LRP2: variants seen among roughly 807,000 people sequenced by gnomAD.
The protein encoded by LRP2 is low-density lipoprotein receptor-related protein 2.
LRP2 carries 172 observed loss-of-function variants against 531.0 expected under a neutral mutation model. The ratio of observed to expected loss-of-function variants is 0.32; its 90% confidence interval spans 0.29 to 0.37. The LOEUF (loss-of-function observed/expected upper bound fraction) is 0.37. LRP2 is among the 10% of genes least tolerant of loss of function. LRP2 has a pLI of 1.00. For synonymous variants in LRP2, 1,992 were observed against 2,027.6 expected, an observed-to-expected ratio of 0.98 and a Z score of 0.47; for missense variants, 5,167 against 5,868.3, an observed-to-expected ratio of 0.88 and a Z score of 3.90.
intron 74 of LRP2, 135 bp from the exon 75 acceptor site, chr2:169,138,841 T>A: frequency 9.9e-7 from 1 of 1,012,202 alleles, no homozygotes; most frequent in Non-Finnish European, 1.5e-6. Context: ...CAATTCCCAC[T>A]CTAAATTTAC....
intron 65 of LRP2, among the ~76,000 whole-genome samples, chr2:169,155,769 T>C (rs937935904): frequency 6.6e-6 from 1 of 152,212 alleles, no homozygotes; most frequent in African/African-American, 2.4e-5. Context: ...GACTCCTTTC[T>C]GCCTGTGATC....
intron 1 of LRP2, among the ~76,000 whole-genome samples, chr2:169,344,775 T>C (rs1043121481): frequency 3.3e-5 from 5 of 152,186 alleles, no homozygotes; most frequent in Non-Finnish European, 1.5e-5. Flanking sequence ...CCCCAACTAC[T>C]GCTCTCACTA....
intron 31 of LRP2, among the ~76,000 whole-genome samples, chr2:169,227,033 T>A (rs1354748887): frequency 6.6e-6 from 1 of 152,008 alleles, no homozygotes; most frequent in Non-Finnish European, 1.5e-5. Context: ...AGCTTACTAG[T>A]TTTAAGAATG....
chr2:169,240,749 G>T (rs1166758288), intron 25 of LRP2: 5 of 585,008 alleles, frequency 8.5e-6, no homozygotes. Flanking sequence ...CTCATTTTTT[G>T]AAACAAAGAC....
In LRP2 at chr2:169,132,650, T is replaced by C. The variant is rs763167446; in HGVS notation, c.13652A>G (p.Asn4551Ser). The C allele has an allele frequency of 3.7e-6, 6 of 1,605,246 alleles. No homozygotes were observed. Among genetic ancestry groups the C allele is most frequent in the Admixed American group, 1.7e-5 (1 of 60,004 alleles). The change falls in exon 77 of 79, where the codon AAT (asparagine) becomes AGT (serine). Residue 4551 changes from asparagine (N) to serine (S), a missense_variant. Asn to Ser is a conservative substitution (Grantham distance 46, BLOSUM62 1). Around this residue, in one of 6 missense-constraint regions of LRP2, gnomAD observed 348 missense variants for 369.3 expected, o/e 0.94. Transcript: ENST00000649046. ...VTVSENVDNK[N>S]YGSPINPSEI... ...AGAAGGGTTTATGGGACTTCCATAA[T>C]TCTTATTATCCACATTTTCAGATAC... is the stretch of plus-strand genomic sequence containing the variant.
intron 3 of LRP2, among the ~76,000 whole-genome samples, chr2:169,310,723 A>G (rs1014084518): frequency 2.0e-5 from 3 of 152,130 alleles, no homozygotes; most frequent in Admixed American, 2.0e-4. Context: ...CATAAAATGA[A>G]TTAGGGAGGA....
rs773276877 is a variant in LRP2 at position 169,165,944 on chromosome 2, T to A, written c.11746A>T (p.Thr3916Ser). 6.2e-7 allele frequency: 1 copy of A among 1,613,916 alleles called. No homozygotes were observed. Among genetic ancestry groups the A allele is most frequent in the Admixed American group, 1.7e-5 (1 of 59,992 alleles). ...GACTTTTGCTTACAGTGCTCCTCTG[T>A]CTCATCAGTTCCATCTCCACAGTCA... ...VDDCGDGTDE[T>S]EEHCRKPTPK... Residue 3916 changes from threonine to serine, a missense_variant, in exon 62 of 79, where the codon ACA becomes TCA. This residue lies in a region of LRP2 where 564 missense variants were observed against 747.7 expected (regional missense o/e 0.75). Transcript: ENST00000649046.
rs141290564 is a variant in LRP2, at chr2:169,218,867, T to C, written c.5648+1587A>G. ...GAAGATGGCAGAGCATCCATCAGCC[T>C]GGGTCCTGAATGACTACGTAGAGTA... On this transcript the variant is annotated intron_variant, in intron 34 of 78. Coordinates refer to ENST00000649046, the MANE Select transcript of LRP2 (RefSeq NM_004525.3). 3.7e-3 allele frequency among the ~76,000 whole-genome samples: 571 copies of C among 152,304 alleles called. 3 individuals are homozygous for C. Among genetic ancestry groups the C allele is most frequent in the Non-Finnish European group, 5.6e-3 (381 of 68,016 alleles).
intron 73 of LRP2, 62 bp from the exon 74 acceptor site, chr2:169,139,433 T>C (rs1251135690): frequency 3.7e-6 from 6 of 1,613,914 alleles, no homozygotes; most frequent in South Asian, 1.1e-5. Flanking sequence ...TGGCAGAAAC[T>C]GGGGGCTAGA....
In LRP2 at chr2:169,185,703, A is replaced by G; in HGVS notation, c.9645T>C (p.Asp3215=). 3 of 1,614,140 alleles carry G rather than the reference A, an allele frequency of 1.9e-6. No individual in the cohort carries two copies. Among genetic ancestry groups the G allele is most frequent in the Non-Finnish European group, 2.5e-6 (3 of 1,180,012 alleles). Residue 3215 remains aspartate (D), a synonymous_variant, in exon 50 of 79, where the codon GAT becomes GAC. Coordinates refer to ENST00000649046, the MANE Select transcript of LRP2 (RefSeq NM_004525.3). ...CCAAGATGAGGGAGTAAAAATAGCC[A>G]TCTATAGTTAAATTTCTCAAATAGT... ...NRYYLRNLTI[D]GYFYSLILEG...
intron 32 of LRP2, 150 bp from the exon 33 acceptor site, chr2:169,225,603 G>A (rs1222997378): frequency 2.3e-6 from 2 of 859,854 alleles, no homozygotes; most frequent in Non-Finnish European, 3.7e-6. Context: ...AGCACCACTG[G>A]GTAGGCTTCA....
intron 49 of LRP2, among the ~76,000 whole-genome samples, chr2:169,187,288 C>T (rs1687667444): frequency 1.3e-5 from 2 of 152,078 alleles, no homozygotes; most frequent in Admixed American, 1.3e-4. Context: ...ATAAAAACTA[C>T]ATTACATACT....
At chr2:169,156,496 T>G (rs1435421781) in intron 64 of LRP2, 91 bp from the exon 65 acceptor site, 1 of 1,441,466 alleles carries the variant, frequency 6.9e-7, no homozygotes, top group African/African-American at 1.4e-5. Flanking sequence ...TCACCAGCAA[T>G]GAGGACCGAG....
chr2:169,255,460 T>A (rs1690266683), intron 19 of LRP2, among the ~76,000 whole-genome samples: 1 of 152,164 alleles, frequency 6.6e-6, no homozygotes, highest in Non-Finnish European at 1.5e-5. Flanking sequence ...GTGACTGTAG[T>A]TCCCCAGAAT....
In LRP2 at chr2:169,187,964, A is replaced by C. The variant is rs1274415651; in HGVS notation, c.9328+6T>G. ...TTCCTTTTCCCAAATCCTCTGTTGT[A>C]CTCACCACAGCCTTTCTCATCGCTG... is the stretch of plus-strand genomic sequence containing the variant. On this transcript the variant is annotated splice_donor_region_variant and intron_variant, in intron 49 of 78. Coordinates refer to ENST00000649046, the MANE Select transcript of LRP2 (RefSeq NM_004525.3). 1 of 1,613,458 alleles carries C rather than the reference A, an allele frequency of 6.2e-7. No homozygotes were observed. The highest frequency in any genetic ancestry group is 8.5e-7 in the Non-Finnish European group (1 of 1,179,734).
intron 20 of LRP2, 93 bp downstream of exon 20, chr2:169,247,285 T>C (rs961028183): frequency 5.9e-6 from 8 of 1,353,040 alleles, no homozygotes; most frequent in African/African-American, 1.5e-5. Flanking sequence ...AGCTAGACCT[T>C]TAAGTAATAA....
intron 55 of LRP2, among the ~76,000 whole-genome samples, chr2:169,174,779 G>A (rs1478430306): frequency 6.7e-6 from 1 of 148,270 alleles, no homozygotes; most frequent in African/African-American, 2.5e-5. Context: ...CAAACTGTTG[G>A]GATTACAGGC....
rs1249812806 is a variant in LRP2, at chr2:169,216,322, T to C, written c.5757A>G (p.Glu1919=). The part of the protein sequence containing the change: ...SVKTLFTGNL[E]HLECVTLDIE... The stretch of plus-strand genomic sequence containing the variant: ...TGTCAAGAGTGACACACTCCAGGTG[T>C]TCGAGGTTCCCAGTAAAGAGAGTTT... Residue 1919 remains glutamate (E), a synonymous_variant, in exon 35 of 79, where the codon GAA becomes GAG. Coordinates refer to ENST00000649046, the MANE Select transcript of LRP2 (RefSeq NM_004525.3). 2 of 1,613,540 alleles carry C rather than the reference T, an allele frequency of 1.2e-6. No homozygotes were observed. Among genetic ancestry groups the C allele is most frequent in the African/African-American group, 2.7e-5 (2 of 74,882 alleles).
intron 1 of LRP2, among the ~76,000 whole-genome samples, chr2:169,352,187 C>G (rs1242191694): frequency 1.3e-5 from 2 of 152,094 alleles, no homozygotes; most frequent in Admixed American, 1.3e-4. Context: ...CTCAATGAAT[C>G]CAACGTTCTT....
Sources: allele counts gnomAD v4.1 joint callset (sites outside exome capture counted in the v4.1 genomes callset), GRCh38; gene constraint gnomAD v4.1.1; regional missense constraint gnomAD v4.1.1; transcripts MANE v1.5; gene names NCBI Gene and HGNC (gene_info 2026-07-23, HGNC 2026-07-21).